The following FAT3 variants were observed in gnomAD, a reference collection of about 807,000 sequenced individuals.
The protein encoded by FAT3 is protocadherin Fat 3.
In FAT3, 95 loss-of-function variants were observed where a neutral mutation model predicts 310.2. That is an observed-to-expected ratio of 0.31 (90% confidence interval 0.26 to 0.36). The LOEUF (loss-of-function observed/expected upper bound fraction) is 0.36, where lower values mean the gene tolerates loss of function less well. FAT3 is among the 10% of genes least tolerant of loss of function. The probability of loss-of-function intolerance (pLI) is 1.00; values close to 1 mark genes in which losing one functional copy is unlikely to be tolerated. For missense variants in FAT3, 5,408 were observed against 5,715.6 expected, an observed-to-expected ratio of 0.95 and a Z score of 1.74; for synonymous variants, 2,314 against 2,192.9, an observed-to-expected ratio of 1.06 and a Z score of -1.54.
In FAT3 at chr11:92,524,664, G is replaced by T. The variant is rs143194286; in HGVS notation, c.3323G>T (p.Arg1108Leu). The change falls in exon 3 of 28, where the codon CGG (arginine) becomes CTG (leucine). Residue 1108 changes from arginine (R) to leucine (L), a missense_variant. Arg to Leu is a moderately radical substitution (Grantham distance 102). Coordinates refer to ENST00000525166, the MANE Select transcript of FAT3 (RefSeq NM_001367949.2). Reference sequence around the variant, plus strand: ...ATCACTGCCGCAGACATTCTTGATCGGGAGACAATGGGGTCATACTGGCTA... The same window carrying T: ...ATCACTGCCGCAGACATTCTTGATCTGGAGACAATGGGGTCATACTGGCTA... ...GVITAADILD[R>L]ETMGSYWLTV... 6.2e-7 allele frequency: 1 copy of T among 1,613,168 alleles called. No homozygotes were observed. The highest frequency in any genetic ancestry group is 8.5e-7 in the Non-Finnish European group (1 of 1,179,500).
chr11:92,747,271 G>A (rs1438312522), intron 4 of FAT3, among the ~76,000 whole-genome samples: 1 of 152,226 alleles, frequency 6.6e-6, no homozygotes, highest in Non-Finnish European at 1.5e-5. Flanking sequence ...GCACCCACAG[G>A]CCCAACACCA....
chr11:92,506,300 T>G lies in FAT3; in HGVS notation c.3293-18334T>G, dbSNP rs952519350. Among the ~76,000 whole-genome samples, 4 of 152,146 alleles carry G rather than the reference T, an allele frequency of 2.6e-5. No individual in the cohort carries two copies. The South Asian group carries it at 6.2e-4, about 24-fold the overall frequency. ...AGGTGGTTGTAGAATGGCCCCAAGA[T>G]CCTCCTTTCTGGACGCCTTTCCTCT... On this transcript the variant is annotated intron_variant, in intron 2 of 27. Coordinates refer to ENST00000525166, the MANE Select transcript of FAT3 (RefSeq NM_001367949.2).
intron 1 of FAT3, among the ~76,000 whole-genome samples, chr11:92,287,492 C>T (rs1946588414): frequency 6.6e-6 from 1 of 152,124 alleles, no homozygotes; most frequent in Non-Finnish European, 1.5e-5. Flanking sequence ...ATATTTTGTA[C>T]TACAGCCATG....
chr11:92,535,960 T>G (rs577300358), intron 3 of FAT3, among the ~76,000 whole-genome samples: 2 of 151,440 alleles, frequency 1.3e-5, no homozygotes, highest in South Asian at 2.1e-4. Context: ...CTGAAAGCAC[T>G]TTTTTAAAAA....
intron 2 of FAT3, among the ~76,000 whole-genome samples, chr11:92,406,368 T>C (rs1431621052): frequency 6.6e-6 from 1 of 152,232 alleles, no homozygotes; most frequent in African/African-American, 2.4e-5. Context: ...ATATACTTTA[T>C]TTCTGATTCC....
intron 3 of FAT3, among the ~76,000 whole-genome samples, chr11:92,573,592 T>C (rs1352902081): frequency 6.6e-6 from 1 of 152,080 alleles, no homozygotes; most frequent in Non-Finnish European, 1.5e-5. Flanking sequence ...GGGTTGTAAA[T>C]CTAATGATGA....
At chr11:92,634,578 G>A (rs539731615) in intron 3 of FAT3, among the ~76,000 whole-genome samples, 53 of 152,216 alleles carry the variant, frequency 3.5e-4, no homozygotes, top group African/African-American at 1.3e-3. Flanking sequence ...AGAGTAGAGC[G>A]CAGGGCTTCT....
intron 3 of FAT3, among the ~76,000 whole-genome samples, chr11:92,579,023 A>G (rs1591478732): frequency 6.6e-6 from 1 of 152,158 alleles, no homozygotes; most frequent in East Asian, 1.9e-4. Context: ...TCACTAAGAC[A>G]GTTCATTATG....
At chr11:92,702,683 A>G (rs1022889449) in intron 4 of FAT3, among the ~76,000 whole-genome samples, 1 of 152,206 alleles carries the variant, frequency 6.6e-6, no homozygotes, top group Non-Finnish European at 1.5e-5. Flanking sequence ...TATTCTTGAA[A>G]GATACATCTA....
intron 2 of FAT3, among the ~76,000 whole-genome samples, chr11:92,501,617 C>T (rs140463458): frequency 1.6e-4 from 24 of 151,568 alleles, no homozygotes; most frequent in East Asian, 9.8e-4. Context: ...TATGCATGTG[C>T]GCATGCCTGT....
At position 92,893,364 on chromosome 11, in the gene FAT3, A is replaced by T. The variant is rs1221311353; in HGVS notation, c.*2251A>T. 6.6e-6 allele frequency: 1 copy of T among 152,250 alleles called. No homozygotes were observed. Among genetic ancestry groups the T allele is most frequent in the African/African-American group, 2.4e-5 (1 of 41,456 alleles). 9.4% of individuals were successfully genotyped at this position (152,250 alleles called of 1,614,324 possible). A position where few individuals can be genotyped will look rare whatever the true frequency, so the allele number is the denominator to read the frequency against. ...GGTATTTTTCTTATGTAAGAAGCAC[A>T]TTTGCAAGAATCATGGAAAAAAATG... is the stretch of plus-strand genomic sequence containing the variant. On this transcript the variant is annotated 3_prime_UTR_variant, in exon 28 of 28. Transcript: ENST00000525166.
intron 2 of FAT3, among the ~76,000 whole-genome samples, chr11:92,383,615 T>G (rs1949552132): frequency 6.6e-6 from 1 of 152,240 alleles, no homozygotes; most frequent in African/African-American, 2.4e-5. Context: ...ACTGGAGACT[T>G]CTCTCCAAGT....
At chr11:92,457,119 A>C (rs1376616048) in intron 2 of FAT3, among the ~76,000 whole-genome samples, 5 of 152,170 alleles carry the variant, frequency 3.3e-5, no homozygotes, top group Non-Finnish European at 7.3e-5. Flanking sequence ...CTGTGGATGA[A>C]GACCAGAAAG....
chr11:92,799,318 T>C lies in FAT3; in HGVS notation c.6305T>C (p.Leu2102Pro). Residue 2102 changes from leucine to proline, a missense_variant, in exon 10 of 28, where the codon CTG becomes CCG. Around this residue, in one of 5 missense-constraint regions of FAT3, gnomAD observed 4,588 missense variants for 4,809.8 expected, o/e 0.95. Transcript: ENST00000525166. ...AVQVDAEPGT[L>P]IYQVTAIDKD... ...CAAGTGGATGCGGAACCCGGGACTC[T>C]GATTTATCAGGTGACAGCCATTGAC... 6.2e-7 allele frequency: 1 copy of C among 1,613,928 alleles called. No individual in the cohort carries two copies. The highest frequency in any genetic ancestry group is 1.7e-4 in the Middle Eastern group (1 of 6,060).
intron 3 of FAT3, among the ~76,000 whole-genome samples, chr11:92,611,860 T>G (rs1189052102): frequency 6.6e-6 from 1 of 152,230 alleles, no homozygotes; most frequent in Non-Finnish European, 1.5e-5. Flanking sequence ...AGAAGTTAGT[T>G]GATACTGTGG....
At chr11:92,489,753 G>C (rs1041014079) in intron 2 of FAT3, among the ~76,000 whole-genome samples, 10 of 152,088 alleles carry the variant, frequency 6.6e-5, no homozygotes, top group African/African-American at 2.4e-4. Context: ...CCAGAACTCA[G>C]CTACTGTTTG....
chr11:92,839,025 A>C (rs1309428690), intron 17 of FAT3, among the ~76,000 whole-genome samples: 1 of 152,094 alleles, frequency 6.6e-6, no homozygotes, highest in Non-Finnish European at 1.5e-5. Flanking sequence ...TCTTTCTCTC[A>C]GCTCACTCTT....
chr11:92,355,030 ATTC>A lies in FAT3; in HGVS notation c.2921_2923del (p.Ser974del). ...CTTGGACTGGGGGGTCAAGTGCGCT[ATTC>A]TTTGGTCAATGACTATAATGGGAGA... is the stretch of plus-strand genomic sequence containing the variant. On this transcript the variant is annotated inframe_deletion, in exon 2 of 28. Transcript: ENST00000525166. The A allele has an allele frequency of 1.2e-6, 2 of 1,613,820 alleles. No individual in the cohort carries two copies. The highest frequency in any genetic ancestry group is 1.7e-6 in the Non-Finnish European group (2 of 1,179,862).
chr11:92,349,973 G>A (rs1591149011), intron 1 of FAT3, among the ~76,000 whole-genome samples: 1 of 148,682 alleles, frequency 6.7e-6, no homozygotes, highest in Admixed American at 6.6e-5. Flanking sequence ...CCTGTAAGGT[G>A]GAGCTGAAAA....
Sources: gnomAD v4.1 joint callset for allele counts (sites outside exome capture counted in the v4.1 genomes callset) on GRCh38, gnomAD v4.1.1 for gene constraint, gnomAD v4.1.1 regional missense constraint, MANE v1.5 for transcripts, NCBI Gene and HGNC (gene_info 2026-07-23, HGNC 2026-07-21) for gene names.